ADAMTS3: variants seen among roughly 807,000 people sequenced by gnomAD.
ADAMTS3 encodes A disintegrin and metalloproteinase with thrombospondin motifs 3.
A neutral mutation model predicts 129.0 loss-of-function variants in ADAMTS3; 73 were observed. The ratio of observed to expected loss-of-function variants is 0.57; its 90% CI spans 0.47 to 0.69. The LOEUF (loss-of-function observed/expected upper bound fraction) is 0.69, where lower values mean the gene tolerates loss of function less well. ADAMTS3 is among the 30% of genes least tolerant of loss of function. The pLI, the probability that ADAMTS3 is intolerant of heterozygous loss-of-function variation, is 0.00. For synonymous variants in ADAMTS3, 477 were observed against 510.8 expected (o/e 0.93, Z 0.89); for missense variants, 1,457 against 1,514.5 (o/e 0.96, Z 0.63).
chr4:72,383,408 G>T (rs968854669), intron 4 of ADAMTS3, among the ~76,000 whole-genome samples: 9 of 152,152 alleles, frequency 5.9e-5, no homozygotes, highest in Non-Finnish European at 1.3e-4. Flanking sequence ...GCTGAAATAT[G>T]AATGAGAACC....
intron 3 of ADAMTS3, among the ~76,000 whole-genome samples, chr4:72,548,073 T>G (rs879580509): frequency 1.3e-5 from 2 of 152,192 alleles, no homozygotes; most frequent in Non-Finnish European, 2.9e-5. Flanking sequence ...CAAAATACTT[T>G]CTTTACGAGG....
At chr4:72,353,987 T>C (rs1042897758) in intron 4 of ADAMTS3, among the ~76,000 whole-genome samples, 23 of 152,082 alleles carry the variant, frequency 1.5e-4, no homozygotes, top group African/African-American at 5.1e-4. Flanking sequence ...TACTGTTCCA[T>C]ATAACTGTTT....
intron 6 of ADAMTS3, 48 bp downstream of exon 6, chr4:72,322,966 G>C (rs1719597573): frequency 1.4e-6 from 2 of 1,425,584 alleles, no homozygotes; most frequent in Non-Finnish European, 9.9e-7. Flanking sequence ...TCTTCTATTT[G>C]CTAACCCAGT....
At chr4:72,337,307 C>T (rs996732383) in intron 5 of ADAMTS3, among the ~76,000 whole-genome samples, 2 of 152,010 alleles carry the variant, frequency 1.3e-5, no homozygotes, top group Non-Finnish European at 2.9e-5. Flanking sequence ...GAACAAAAGT[C>T]CTCTTGACTG....
At chr4:72,423,980 G>A (rs1391331164) in intron 3 of ADAMTS3, among the ~76,000 whole-genome samples, 1 of 151,996 alleles carries the variant, frequency 6.6e-6, no homozygotes, top group Non-Finnish European at 1.5e-5. Flanking sequence ...TGAACTCCCA[G>A]AATTTTATCT....
chr4:72,298,848 A>C (rs930781452), intron 17 of ADAMTS3, among the ~76,000 whole-genome samples: 2 of 151,640 alleles, frequency 1.3e-5, no homozygotes, highest in African/African-American at 4.8e-5. Context: ...AAATTTTTTG[A>C]ATTTTTAAAT....
intron 4 of ADAMTS3, among the ~76,000 whole-genome samples, chr4:72,350,727 A>G (rs1199809886): frequency 3.3e-5 from 5 of 151,904 alleles, no homozygotes; most frequent in African/African-American, 9.7e-5. Context: ...GAATCATGAG[A>G]TATTGCAGTC....
At chr4:72,385,200 A>AG (rs1271622839) in intron 4 of ADAMTS3, among the ~76,000 whole-genome samples, 2 of 151,806 alleles carry the variant, frequency 1.3e-5, no homozygotes, top group African/African-American at 4.8e-5. Context: ...AGAAAAGAAA[A>AG]GGGGGTCAGT....
intron 3 of ADAMTS3, among the ~76,000 whole-genome samples, chr4:72,527,877 A>G (rs552381505): frequency 6.6e-6 from 1 of 152,314 alleles, no homozygotes; most frequent in Admixed American, 6.5e-5. Flanking sequence ...AGAGGGGGAT[A>G]GGGAGCAGAG....
At chr4:72,306,258 A>G (rs1719088107) in intron 15 of ADAMTS3, among the ~76,000 whole-genome samples, 191 bp from the exon 16 acceptor site, 1 of 152,068 alleles carries the variant, frequency 6.6e-6, no homozygotes, top group Middle Eastern at 3.4e-3. Context: ...ATTAGAGGCA[A>G]CTTTTTTTTT....
intron 4 of ADAMTS3, among the ~76,000 whole-genome samples, chr4:72,386,527 A>G (rs976675200): frequency 6.6e-6 from 1 of 152,108 alleles, no homozygotes. Flanking sequence ...TCACATCTAA[A>G]TCATATCTAA....
chr4:72,443,897 G>A (rs1286458008), intron 3 of ADAMTS3, among the ~76,000 whole-genome samples: 2 of 151,656 alleles, frequency 1.3e-5, no homozygotes, highest in East Asian at 3.9e-4. Context: ...CTAATGGGTT[G>A]GGTTGCAGAA....
chr4:72,291,886 A>T (rs953744121), intron 19 of ADAMTS3, among the ~76,000 whole-genome samples: 1 of 152,092 alleles, frequency 6.6e-6, no homozygotes, highest in Non-Finnish European at 1.5e-5. Flanking sequence ...AAGTTTTCCT[A>T]TTTCTCAAAT....
Position 72,520,057 on chromosome 4 carries a change from G to T in ADAMTS3, c.504+28421C>A, listed in dbSNP as rs540212570. ...CTGTTTGTTAGTTTTCCTTCTAACA[G>T]ACAGGACCCTCAGCTGCAGGTCTGT... On this transcript the variant is annotated intron_variant, in intron 3 of 21. Coordinates refer to ENST00000286657, the MANE Select transcript of ADAMTS3 (RefSeq NM_014243.3). 2.0e-4 allele frequency among the ~76,000 whole-genome samples: 30 copies of T among 152,294 alleles called. No homozygotes were observed. In the East Asian group the frequency reaches 5.4e-3, roughly 27 times the overall value.
chr4:72,465,718 G>A (rs1718901206), intron 3 of ADAMTS3, among the ~76,000 whole-genome samples: 1 of 151,962 alleles, frequency 6.6e-6, no homozygotes, highest in Non-Finnish European at 1.5e-5. Flanking sequence ...TGGTTTCCCT[G>A]TGTCCCCACC....
chr4:72,413,003 C>T lies in ADAMTS3; in HGVS notation c.661+1812G>A, dbSNP rs1015906317. 1.2e-4 allele frequency among the ~76,000 whole-genome samples: 19 copies of T among 152,066 alleles called. No homozygotes were observed. The South Asian group carries it at 2.1e-3, about 17-fold the overall frequency. On this transcript the variant is annotated intron_variant, in intron 4 of 21. Coordinates refer to ENST00000286657, the MANE Select transcript of ADAMTS3 (RefSeq NM_014243.3). ...CATCCAATTCCTTTGTATATACATACGCTGTTAATTTCCCTATTCTATCAT... is the reference window on the plus strand; with the variant it reads ...CATCCAATTCCTTTGTATATACATATGCTGTTAATTTCCCTATTCTATCAT...
chr4:72,467,326 C>G (rs906676304), intron 3 of ADAMTS3, among the ~76,000 whole-genome samples: 1 of 152,090 alleles, frequency 6.6e-6, no homozygotes, highest in African/African-American at 2.4e-5. Context: ...CTTGTCTCAG[C>G]TACACCTCTT....
chr4:72,377,129 G>A (rs1578627311), intron 4 of ADAMTS3, among the ~76,000 whole-genome samples: 1 of 152,098 alleles, frequency 6.6e-6, no homozygotes, highest in East Asian at 1.9e-4. Context: ...CACCCACAAA[G>A]GCAACTAAAA....
chr4:72,299,099 G>GT (rs1186778329), intron 17 of ADAMTS3, among the ~76,000 whole-genome samples: 1 of 139,542 alleles, frequency 7.2e-6, no homozygotes, highest in Non-Finnish European at 1.6e-5. Flanking sequence ...GTGTGTGTGT[G>GT]TACAGACATA....
Sources: allele counts gnomAD v4.1 joint callset (sites outside exome capture counted in the v4.1 genomes callset), GRCh38; gene constraint gnomAD v4.1.1; transcripts MANE v1.5; gene names NCBI Gene and HGNC (gene_info 2026-07-23, HGNC 2026-07-21).